GLRX3: variants seen among roughly 807,000 people sequenced by gnomAD.
GLRX3 encodes glutaredoxin-3.
Under a neutral mutation model 49.5 loss-of-function variants are expected in GLRX3, and 22 were observed. That is an observed-to-expected ratio of 0.44 (90% CI 0.32 to 0.63). The LOEUF is 0.63. Among genes scored for constraint, GLRX3 ranks in the 30% least tolerant of loss-of-function variants. GLRX3 has a pLI of 0.05. For missense variants in GLRX3, 385 were observed against 396.3 expected (o/e 0.97, Z 0.24); for synonymous variants, 133 against 140.0 (o/e 0.95, Z 0.35).
intron 2 of GLRX3, among the ~76,000 whole-genome samples, chr10:130,154,740 T>C (rs1482884889): frequency 6.6e-6 from 1 of 152,170 alleles, no homozygotes; most frequent in Non-Finnish European, 1.5e-5. Context: ...CACCTTTGTT[T>C]AATATTCGGT....
intron 2 of GLRX3, among the ~76,000 whole-genome samples, chr10:130,158,937 A>G (rs1862526717): frequency 6.6e-6 from 1 of 152,218 alleles, no homozygotes; most frequent in African/African-American, 2.4e-5. Flanking sequence ...GAGATAGAAG[A>G]TAAAAGCCAA....
intron 8 of GLRX3, among the ~76,000 whole-genome samples, chr10:130,171,855 A>G (rs1564999319): frequency 2.0e-5 from 3 of 152,104 alleles, no homozygotes; most frequent in Non-Finnish European, 4.4e-5. Flanking sequence ...GGTCCTAGCT[A>G]CTTGAGAGAC....
intron 2 of GLRX3, among the ~76,000 whole-genome samples, chr10:130,155,078 C>T (rs944496460): frequency 2.0e-5 from 3 of 152,150 alleles, no homozygotes; most frequent in Non-Finnish European, 4.4e-5. Flanking sequence ...CTCAAGCATT[C>T]TTCCCACCTT....
chr10:130,168,001 T>C (rs1338411015), intron 6 of GLRX3, among the ~76,000 whole-genome samples: 4 of 152,204 alleles, frequency 2.6e-5, no homozygotes, highest in Non-Finnish European at 5.9e-5. Context: ...GTTTTTTATA[T>C]GCTTGTATTT....
chr10:130,177,022 A>G (rs1306046618), intron 10 of GLRX3, among the ~76,000 whole-genome samples: 2 of 152,192 alleles, frequency 1.3e-5, no homozygotes, highest in Non-Finnish European at 2.9e-5. Context: ...TCACCTGCTA[A>G]GAACATATAC....
chr10:130,163,029 G>T (rs1011488135), intron 4 of GLRX3, among the ~76,000 whole-genome samples: 2 of 152,140 alleles, frequency 1.3e-5, no homozygotes, highest in Non-Finnish European at 2.9e-5. Flanking sequence ...AAAATATACT[G>T]CTAGCATTTT....
At chr10:130,157,448 T>C (rs1021433415) in intron 2 of GLRX3, among the ~76,000 whole-genome samples, 279 of 148,186 alleles carry the variant, frequency 1.9e-3, no homozygotes, top group Non-Finnish European at 3.5e-3. Context: ...GCATTTTTTT[T>C]TCCTAGTTCT....
At chr10:130,169,540 T>G (rs768759204) in intron 7 of GLRX3, 50 bp downstream of exon 7, 1 of 1,150,288 alleles carries the variant, frequency 8.7e-7, no homozygotes, top group East Asian at 2.3e-5. Context: ...GATGTTAACA[T>G]CTGCAACAAG....
intron 2 of GLRX3, among the ~76,000 whole-genome samples, chr10:130,153,789 T>G (rs1257861559): frequency 1.3e-5 from 2 of 152,168 alleles, no homozygotes; most frequent in East Asian, 3.9e-4. Flanking sequence ...TTGTCTGTTA[T>G]CGGATCTTGA....
rs1862933144 is a variant in GLRX3 at position 130,176,807 on chromosome 10, T to G, written c.957+1718T>G. 2.1e-5 allele frequency among the ~76,000 whole-genome samples: 3 copies of G among 140,010 alleles called. No homozygotes were observed. The South Asian group carries it at 7.8e-4, about 37-fold the overall frequency. 91.9% of individuals were successfully genotyped at this position (140,010 alleles called of 152,430 possible). A position where few individuals can be genotyped will look rare whatever the true frequency, so the allele number is the denominator to read the frequency against. On this transcript the variant is annotated intron_variant, in intron 10 of 10. Coordinates refer to ENST00000331244, the MANE Select transcript of GLRX3 (RefSeq NM_006541.5). Reference sequence around the variant, plus strand: ...CTCTCTCTCTCTATATATATATATATAGTCTTATTTTTGTAAGACACAAAG... The same window carrying G: ...CTCTCTCTCTCTATATATATATATAGAGTCTTATTTTTGTAAGACACAAAG...
intron 7 of GLRX3, among the ~76,000 whole-genome samples, chr10:130,170,469 G>A (rs1349129587): frequency 1.3e-5 from 2 of 152,176 alleles, no homozygotes; most frequent in East Asian, 3.8e-4. Context: ...AGGTAATAAT[G>A]AAAGTAACAG....
At chr10:130,169,706 T>A (rs1862767685) in intron 7 of GLRX3, among the ~76,000 whole-genome samples, 1 of 152,272 alleles carries the variant, frequency 6.6e-6, no homozygotes, top group African/African-American at 2.4e-5. Flanking sequence ...CATTTCTTTC[T>A]GCTGCCAAAC....
At chr10:130,147,605 A>G (rs1424124551) in intron 2 of GLRX3, among the ~76,000 whole-genome samples, 1 of 152,228 alleles carries the variant, frequency 6.6e-6, no homozygotes, top group Non-Finnish European at 1.5e-5. Flanking sequence ...TTCACTCTAT[A>G]ACATAGTTTT....
At chr10:130,158,315 C>T (rs915976412) in intron 2 of GLRX3, among the ~76,000 whole-genome samples, 13 of 151,826 alleles carry the variant, frequency 8.6e-5, no homozygotes, top group South Asian at 2.1e-4. Context: ...CGGGTTCAAG[C>T]GATTCTCCCG....
chr10:130,154,978 T>C (rs1349897808), intron 2 of GLRX3, among the ~76,000 whole-genome samples: 1 of 148,938 alleles, frequency 6.7e-6, no homozygotes, highest in Non-Finnish European at 1.5e-5. Flanking sequence ...GAGATCTTTC[T>C]TTTTTTTTTA....
chr10:130,159,010 G>C (rs911868349), intron 2 of GLRX3, among the ~76,000 whole-genome samples: 2 of 152,090 alleles, frequency 1.3e-5, no homozygotes, highest in African/African-American at 4.8e-5. Flanking sequence ...TAACCTGATT[G>C]GGTAAGGCTC....
intron 2 of GLRX3, among the ~76,000 whole-genome samples, chr10:130,150,511 T>C (rs74162562): frequency 0.019 from 2,819 of 152,310 alleles, 89 homozygotes; most frequent in African/African-American, 0.065. Context: ...TACTTGCATT[T>C]TATTTTCATT....
At chr10:130,137,769 C>T (rs915609772) in intron 1 of GLRX3, among the ~76,000 whole-genome samples, 14 of 152,198 alleles carry the variant, frequency 9.2e-5, no homozygotes, top group Admixed American at 9.2e-4. Context: ...GGGTCTGGCT[C>T]TGTCACCCAG....
intron 2 of GLRX3, among the ~76,000 whole-genome samples, chr10:130,149,844 A>C (rs1363672238): frequency 7.1e-6 from 1 of 141,710 alleles, no homozygotes; most frequent in Non-Finnish European, 1.5e-5. Flanking sequence ...TTTTGTCTAT[A>C]TTGTCATTTA....
Sources: gnomAD v4.1 joint callset for allele counts (sites outside exome capture counted in the v4.1 genomes callset) on GRCh38, gnomAD v4.1.1 for gene constraint, MANE v1.5 for transcripts, NCBI Gene and HGNC (gene_info 2026-07-23, HGNC 2026-07-21) for gene names.